The following PPARG variants were observed in gnomAD, a reference collection of about 807,000 sequenced individuals.
PPARG encodes peroxisome proliferator-activated receptor gamma.
PPARG carries 17 observed loss-of-function variants against 39.2 expected under a neutral mutation model. The ratio of observed to expected loss-of-function variants is 0.43; its 90% CI spans 0.30 to 0.65. The LOEUF (loss-of-function observed/expected upper bound fraction) is 0.65. PPARG is among the 30% of genes least tolerant of loss of function. The probability of loss-of-function intolerance (pLI) is 0.13; values close to 1 mark genes in which losing one functional copy is unlikely to be tolerated. For missense variants in PPARG, 406 were observed against 585.9 expected, an observed-to-expected ratio of 0.69 and a Z score of 3.17; for synonymous variants, 223 against 215.7, an observed-to-expected ratio of 1.03 and a Z score of -0.30.
At chr3:12,336,329 T>A (rs1160542375) in intron 2 of PPARG, among the ~76,000 whole-genome samples, 1 of 152,172 alleles carries the variant, frequency 6.6e-6, no homozygotes, top group Non-Finnish European at 1.5e-5. Context: ...GTTTGTGGTA[T>A]CTTTTATGCA....
At chr3:12,296,272 A>AAAAAAAAAAAAAAAT (rs2046783397) in intron 1 of PPARG, among the ~76,000 whole-genome samples, 1 of 151,482 alleles carries the variant, frequency 6.6e-6, no homozygotes, top group African/African-American at 2.4e-5. Flanking sequence ...AAAAAAAAAA[A>AAAAAAAAAAAAAAAT]AAAAAAAGAA....
chr3:12,289,191 A>G (rs2046586507), intron 1 of PPARG, 57 bp downstream of exon 1: 1 of 152,000 alleles, frequency 6.6e-6, no homozygotes, highest in South Asian at 2.1e-4. Flanking sequence ...TAGGTCCGAA[A>G]TTTGCAAAAT....
chr3:12,374,347 C>T (rs908562175), intron 2 of PPARG, among the ~76,000 whole-genome samples: 6 of 152,070 alleles, frequency 3.9e-5, no homozygotes, highest in African/African-American at 1.4e-4. Flanking sequence ...ACCCGTAATC[C>T]CAGCACTTTG....
At chr3:12,292,242 C>T (rs1014946064) in intron 1 of PPARG, among the ~76,000 whole-genome samples, 18 of 152,158 alleles carry the variant, frequency 1.2e-4, no homozygotes, top group African/African-American at 4.1e-4. Context: ...TCCAGCTTTG[C>T]GAGTCCTGTG....
At chr3:12,386,520 CT>C (rs78118200) in intron 4 of PPARG, among the ~76,000 whole-genome samples, 2,627 of 143,392 alleles carry the variant, frequency 0.018, 70 homozygotes, top group African/African-American at 0.058. Flanking sequence ...ACTTAATTCT[CT>C]TTTTTTTTTT....
intron 2 of PPARG, among the ~76,000 whole-genome samples, chr3:12,378,873 CTG>C (rs1486567159): frequency 2.0e-5 from 3 of 152,162 alleles, no homozygotes; most frequent in African/African-American, 7.2e-5. Context: ...AAAAAGGTAA[CTG>C]TGAAGTGATG....
At chr3:12,372,207 C>T in intron 2 of PPARG, 1 of 715,036 alleles carries the variant, frequency 1.4e-6, no homozygotes, top group Non-Finnish European at 2.6e-6. Flanking sequence ...CCCTGCCTGC[C>T]TGGCACATTA....
intron 2 of PPARG, among the ~76,000 whole-genome samples, chr3:12,326,608 C>G (rs967559032): frequency 5.9e-5 from 9 of 152,136 alleles, no homozygotes; most frequent in African/African-American, 2.2e-4. Flanking sequence ...GTACATTGCA[C>G]TAGTAGTAGA....
chr3:12,296,216 C>G (rs1006037924), intron 1 of PPARG, among the ~76,000 whole-genome samples: 8 of 135,528 alleles, frequency 5.9e-5, no homozygotes, highest in Admixed American at 1.7e-4. Context: ...GATTGTGCCA[C>G]TGCACTCTAG....
intron 2 of PPARG, among the ~76,000 whole-genome samples, chr3:12,365,522 G>A (rs1405613224): frequency 6.6e-6 from 1 of 151,940 alleles, no homozygotes; most frequent in Non-Finnish European, 1.5e-5. Flanking sequence ...TTTACATTTA[G>A]ATCTATGTTC....
chr3:12,390,077 G>C (rs1357693966), intron 4 of PPARG, among the ~76,000 whole-genome samples: 2 of 152,090 alleles, frequency 1.3e-5, no homozygotes, highest in Non-Finnish European at 2.9e-5. Flanking sequence ...CAGTTTTAAG[G>C]AAAAGACAGT....
chr3:12,364,647 T>C (rs867797658), intron 2 of PPARG, among the ~76,000 whole-genome samples: 37 of 152,350 alleles, frequency 2.4e-4, no homozygotes, highest in African/African-American at 8.4e-4. Context: ...CCAAAGTGGC[T>C]GTACCATTCA....
chr3:12,406,208 A>T, intron 6 of PPARG, 127 bp downstream of exon 6: 2 of 982,290 alleles, frequency 2.0e-6, no homozygotes, highest in Non-Finnish European at 3.2e-6. Context: ...TTGGCTGTTA[A>T]CATATTGCAG....
intron 7 of PPARG, among the ~76,000 whole-genome samples, chr3:12,424,882 A>C (rs1245091943): frequency 6.6e-6 from 1 of 152,146 alleles, no homozygotes. Context: ...AGCAAACCAA[A>C]TAACATGATG....
chr3:12,408,631 T>C (rs543137130), intron 6 of PPARG, among the ~76,000 whole-genome samples: 12 of 150,310 alleles, frequency 8.0e-5, no homozygotes, highest in African/African-American at 2.7e-4. Context: ...TGTCTTCTTA[T>C]ATTGGTCAGG....
chr3:12,403,308 G>T (rs1368989108), intron 5 of PPARG, among the ~76,000 whole-genome samples: 1 of 130,298 alleles, frequency 7.7e-6, no homozygotes, highest in Admixed American at 7.8e-5. Flanking sequence ...AAAAAAAAAA[G>T]TTGTTATACT....
At chr3:12,306,324 C>T (rs185922963) in intron 1 of PPARG, among the ~76,000 whole-genome samples, 1 of 152,232 alleles carries the variant, frequency 6.6e-6, no homozygotes, top group Non-Finnish European at 1.5e-5. Flanking sequence ...TCGCCCACCA[C>T]TCATCTCCTG....
At chr3:12,360,185 A>AT (rs2048797478) in intron 2 of PPARG, among the ~76,000 whole-genome samples, 1 of 151,940 alleles carries the variant, frequency 6.6e-6, no homozygotes, top group South Asian at 2.1e-4. Flanking sequence ...TCTTTTTGTT[A>AT]TTTTTTAATA....
chr3:12,417,203 GGGT>G, intron 7 of PPARG, 49 bp downstream of exon 7: 1 of 1,583,770 alleles, frequency 6.3e-7, no homozygotes, highest in Non-Finnish European at 8.6e-7. Flanking sequence ...GATGATGGTG[GGGT>G]GGCCAAAAGA....
Sources: allele counts gnomAD v4.1 joint callset (sites outside exome capture counted in the v4.1 genomes callset), GRCh38; gene constraint gnomAD v4.1.1; transcripts MANE v1.5; gene names NCBI Gene and HGNC (gene_info 2026-07-23, HGNC 2026-07-21).